ZNF624: variants seen among roughly 807,000 people sequenced by gnomAD.
ZNF624 encodes the protein zinc finger protein 624.
A neutral mutation model predicts 74.7 loss-of-function variants in ZNF624; 43 were observed. That is an observed-to-expected ratio of 0.58 (90% CI 0.45 to 0.74). The LOEUF (loss-of-function observed/expected upper bound fraction) is 0.74. ZNF624 is among the 30% of genes least tolerant of loss of function. The pLI, the probability that ZNF624 is intolerant of heterozygous loss-of-function variation, is 0.00. For missense variants in ZNF624, 820 were observed against 1,030.0 expected (o/e 0.80, Z 2.79); for synonymous variants, 331 against 341.3 (o/e 0.97, Z 0.33).
intron 5 of ZNF624, among the ~76,000 whole-genome samples, chr17:16,626,421 T>C (rs1432809304): frequency 6.6e-6 from 1 of 150,636 alleles, no homozygotes; most frequent in Non-Finnish European, 1.5e-5. Context: ...GATATTATAT[T>C]GCCAGTATCT....
rs912147062 is a variant in ZNF624 at position 16,622,092 on chromosome 17, C to G, written c.*196G>C. ...ATCTGGATGAACACTTTCATTTGTTCATTATTTTCCTCTAGTGAGAGTTTC... is the reference window on the plus strand; with the variant it reads ...ATCTGGATGAACACTTTCATTTGTTGATTATTTTCCTCTAGTGAGAGTTTC... On this transcript the variant is annotated 3_prime_UTR_variant, in exon 6 of 6. Transcript: ENST00000311331. The G allele has an allele frequency of 5.0e-6, 2 of 400,290 alleles. No individual in the cohort carries two copies. Among genetic ancestry groups the G allele is most frequent in the Non-Finnish European group, 8.7e-6 (2 of 229,368 alleles). The allele number at this position is 400,290 out of a possible 1,614,324, so 24.8% of individuals were successfully genotyped here. A position where few individuals can be genotyped will look rare whatever the true frequency, so the allele number is the denominator to read the frequency against.
At chr17:16,649,300 C>T (rs1225443890) in intron 2 of ZNF624, among the ~76,000 whole-genome samples, 1 of 152,154 alleles carries the variant, frequency 6.6e-6, no homozygotes, top group East Asian at 1.9e-4. Flanking sequence ...CATATATTTT[C>T]CCCATAATTT....
downstream of ZNF624, among the ~76,000 whole-genome samples, chr17:16,618,176 T>TA (rs374433038): frequency 0.028 from 4,093 of 148,114 alleles, 158 homozygotes; most frequent in African/African-American, 0.092. Flanking sequence ...CCATCTCTAC[T>TA]AAAAAAAAAA....
intron 5 of ZNF624, among the ~76,000 whole-genome samples, chr17:16,628,934 C>T (rs890471563): frequency 1.3e-5 from 2 of 152,156 alleles, no homozygotes; most frequent in Non-Finnish European, 2.9e-5. Context: ...CACAGTGGCT[C>T]ACACCTGTAA....
At chr17:16,649,982 T>C (rs553208057) in intron 1 of ZNF624, among the ~76,000 whole-genome samples, 3 of 152,314 alleles carry the variant, frequency 2.0e-5, no homozygotes, top group Non-Finnish European at 4.4e-5. Flanking sequence ...AAATACTTTC[T>C]CATTTTATTT....
chr17:16,614,461 G>T, the ZNF624 span, among the ~76,000 whole-genome samples: 1 of 152,002 alleles, frequency 6.6e-6, no homozygotes, highest in Non-Finnish European at 1.5e-5. Context: ...ATTTTTAAAA[G>T]AATTTACCAA....
intron 1 of ZNF624, among the ~76,000 whole-genome samples, chr17:16,652,203 A>G (rs1247958932): frequency 6.6e-6 from 1 of 152,226 alleles, no homozygotes; most frequent in African/African-American, 2.4e-5. Context: ...AAAATAATGC[A>G]CATGCATATA....
rs1013045675 is a variant in ZNF624 at position 16,624,594 on chromosome 17, C to A, written c.377-85G>T. ...AACAGAATAATAAAAGCAATAAATA[C>A]ATGGATAATGAATATATGGTTTTAA... is the stretch of plus-strand genomic sequence containing the variant. On this transcript the variant is annotated intron_variant, in intron 5 of 5. Coordinates refer to ENST00000311331, the MANE Select transcript of ZNF624 (RefSeq NM_020787.4). The A allele has an allele frequency of 5.1e-6, 6 of 1,177,524 alleles. No homozygotes were observed. The East Asian group carries it at 1.5e-4, about 29-fold the overall frequency. The allele number at this position is 1,177,524 out of a possible 1,614,324, so 72.9% of individuals were successfully genotyped here.
chr17:16,635,384 G>A, intron 3 of ZNF624, among the ~76,000 whole-genome samples: 1 of 152,266 alleles, frequency 6.6e-6, no homozygotes, highest in East Asian at 1.9e-4. Flanking sequence ...AAAAGAGGGA[G>A]TAGAGCGGAC....
chr17:16,629,273 G>T (rs978196620), intron 5 of ZNF624, among the ~76,000 whole-genome samples: 15 of 148,626 alleles, frequency 1.0e-4, no homozygotes, highest in Admixed American at 1.0e-3. Context: ...CTGTCACCCA[G>T]GCTGGAGTGC....
intron 5 of ZNF624, among the ~76,000 whole-genome samples, chr17:16,625,844 T>C (rs1217178291): frequency 6.6e-6 from 1 of 152,214 alleles, no homozygotes; most frequent in Non-Finnish European, 1.5e-5. Flanking sequence ...TAAGACACTT[T>C]AATGCCTTTT....
rs776251583 is a variant in ZNF624 at position 16,621,439 on chromosome 17, G to A, written c.*849C>T. 1 of 152,260 alleles carries A rather than the reference G, an allele frequency of 6.6e-6. No homozygotes were observed. The highest frequency in any genetic ancestry group is 1.5e-5 in the Non-Finnish European group (1 of 68,046). 9.4% of individuals were successfully genotyped at this position (152,260 alleles called of 1,614,324 possible). ...CCAAAAGTGAGACTGCTGGGTCTAA[G>A]AGTATATATGTTTTAAATTTTTAAA... On this transcript the variant is annotated 3_prime_UTR_variant, in exon 6 of 6. Coordinates refer to ENST00000311331, the MANE Select transcript of ZNF624 (RefSeq NM_020787.4).
downstream of ZNF624, chr17:16,617,726 A>G (rs1198009268): frequency 1.2e-6 from 2 of 1,604,460 alleles, no homozygotes; most frequent in Non-Finnish European, 1.7e-6. Flanking sequence ...TCAGCTCGTA[A>G]AGGGCGTCGT....
downstream of ZNF624, among the ~76,000 whole-genome samples, chr17:16,618,897 G>A (rs1260611041): frequency 6.6e-6 from 1 of 152,170 alleles, no homozygotes; most frequent in Non-Finnish European, 1.5e-5. Context: ...TCAAACGTAG[G>A]TTATTAGTAG....
chr17:16,649,736 C>A lies in ZNF624; in HGVS notation c.9G>T (p.Leu3Phe). The change falls in exon 2 of 6, where the codon TTG becomes TTT. Residue 3 changes from leucine (L) to phenylalanine (F), a missense_variant. Coordinates refer to ENST00000311331, the MANE Select transcript of ZNF624 (RefSeq NM_020787.4). The part of the protein sequence containing the change: MS[L>F]QDSTLSREGK... Reference sequence around the variant, plus strand: ...CCTCTCTGGAAAGAGTGGAGTCTTGCAAAGACATACCTAAGGAAGAGAAAT... The same window carrying A: ...CCTCTCTGGAAAGAGTGGAGTCTTGAAAAGACATACCTAAGGAAGAGAAAT... 2.5e-6 allele frequency: 4 copies of A among 1,613,384 alleles called. No individual in the cohort carries two copies. Among genetic ancestry groups the A allele is most frequent in the Non-Finnish European group, 3.4e-6 (4 of 1,179,410 alleles).
At position 16,623,508 on chromosome 17, in the gene ZNF624, T is replaced by G; in HGVS notation, c.1378A>C (p.Asn460His). 1 of 1,610,066 alleles carries G rather than the reference T, an allele frequency of 6.2e-7. No individual in the cohort carries two copies. Residue 460 changes from asparagine to histidine, a missense_variant, in exon 6 of 6, where the codon AAT becomes CAT. By Grantham distance (68) the Asn-to-His change is moderately conservative (BLOSUM62 1). Coordinates refer to ENST00000311331, the MANE Select transcript of ZNF624 (RefSeq NM_020787.4). The surrounding 1 kb of genome is among the most constrained non-coding windows in gnomAD (Gnocchi z 5.3). The stretch of plus-strand genomic sequence containing the variant: ...CCAGTATGAATCCTCTGATGCACAT[T>G]AAAAATTGTGGTATTCTTAAAAGAC... ...GKSFKNTTIFNVHQRIHTGEK... is the reference protein window; with the variant it reads ...GKSFKNTTIFHVHQRIHTGEK...
rs138241232 is a variant in ZNF624, at chr17:16,643,839, G to A, written c.153+3490C>T. On this transcript the variant is annotated intron_variant, in intron 3 of 5. Transcript: ENST00000311331. ...GAATGTAGAAGTGTGAGTTAACTTT[G>A]AAACATAAAACTGCTGCGACAGTTT... 3.0e-3 allele frequency among the ~76,000 whole-genome samples: 461 copies of A among 152,276 alleles called. 5 individuals carry two copies. The highest frequency in any genetic ancestry group is 0.011 in the African/African-American group (437 of 41,568).
At chr17:16,614,927 T>G in the ZNF624 span, among the ~76,000 whole-genome samples, 1 of 152,232 alleles carries the variant, frequency 6.6e-6, no homozygotes. Flanking sequence ...GAGGACATTA[T>G]GCTAAGGGAA....
chr17:16,634,438 C>T (rs1247018936), intron 4 of ZNF624, among the ~76,000 whole-genome samples, 192 bp downstream of exon 4: 1 of 152,160 alleles, frequency 6.6e-6, no homozygotes, highest in African/African-American at 2.4e-5. Flanking sequence ...CAACAATCTC[C>T]AAGATTCCAG....
Sources: gnomAD v4.1 joint callset for allele counts (sites outside exome capture counted in the v4.1 genomes callset) on GRCh38, gnomAD v4.1.1 for gene constraint, Gnocchi (gnomAD v3.1) non-coding constraint, MANE v1.5 for transcripts, NCBI Gene and HGNC (gene_info 2026-07-23, HGNC 2026-07-21) for gene names.